The following SPAG9 variants were observed in gnomAD, a reference collection of about 807,000 sequenced individuals.
The protein encoded by SPAG9 is C-Jun-amino-terminal kinase-interacting protein 4.
Under a neutral mutation model 166.5 loss-of-function variants are expected in SPAG9, and 35 were observed. That is an observed-to-expected ratio of 0.21 (90% confidence interval 0.16 to 0.28). The LOEUF is 0.28. Ranked by LOEUF, SPAG9 falls within the 10% of genes least tolerant of loss-of-function variation. The pLI is 1.00. For missense variants in SPAG9, 1,235 were observed against 1,603.3 expected (o/e 0.77, Z 3.92); for synonymous variants, 534 against 565.5 (o/e 0.94, Z 0.79).
chr17:50,982,704 C>CATAT, intron 24 of SPAG9, 32 bp from the exon 25 acceptor site: 1 of 1,552,756 alleles, frequency 6.4e-7, no homozygotes, highest in Non-Finnish European at 8.7e-7. Context: ...ATAGTAAATA[C>CATAT]ATACCACCTG....
At chr17:51,017,772 T>C (rs1438594795) in intron 8 of SPAG9, among the ~76,000 whole-genome samples, 1 of 152,188 alleles carries the variant, frequency 6.6e-6, no homozygotes, top group East Asian at 1.9e-4. Flanking sequence ...TATCATATAT[T>C]GATTCATTTA....
At chr17:50,972,114 T>C (rs1973869718) in intron 28 of SPAG9, among the ~76,000 whole-genome samples, 1 of 152,214 alleles carries the variant, frequency 6.6e-6, no homozygotes, top group Non-Finnish European at 1.5e-5. Context: ...CAGGCTGGTC[T>C]CAAACTCCTG....
At chr17:51,030,494 A>G (rs1199244995) in intron 6 of SPAG9, among the ~76,000 whole-genome samples, 1 of 152,146 alleles carries the variant, frequency 6.6e-6, no homozygotes, top group African/African-American at 2.4e-5. Context: ...TTTCTCCCCA[A>G]GTAAAAGTAA....
intron 4 of SPAG9, among the ~76,000 whole-genome samples, chr17:51,043,513 T>C (rs1051305879): frequency 6.6e-6 from 1 of 152,194 alleles, no homozygotes; most frequent in Non-Finnish European, 1.5e-5. Flanking sequence ...CTTTCTTTCA[T>C]TAAATGATGG....
chr17:51,083,102 TTTAA>T (rs1490164645), intron 1 of SPAG9, among the ~76,000 whole-genome samples: 2 of 152,202 alleles, frequency 1.3e-5, no homozygotes, highest in African/African-American at 4.8e-5. Context: ...GGAGAAAAAC[TTTAA>T]TTAAAGATAC....
rs1359298423 is a variant in SPAG9 at position 51,007,259 on chromosome 17, A to G, written c.1271+10T>C. ...TCTTTATCTTCTGTTAAAATTTCAC[A>G]TATACTTACTTGGTTTCCAACAGTT... On this transcript the variant is annotated intron_variant, in intron 10 of 29. Coordinates refer to ENST00000262013, the MANE Select transcript of SPAG9 (RefSeq NM_001130528.3). The G allele has an allele frequency of 1.3e-6, 2 of 1,501,796 alleles. No individual in the cohort carries two copies. The highest frequency in any genetic ancestry group is 1.8e-6 in the Non-Finnish European group (2 of 1,088,674). The allele number at this position is 1,501,796 out of a possible 1,614,324, so 93.0% of individuals were successfully genotyped here. A position where few individuals can be genotyped will look rare whatever the true frequency, so the allele number is the denominator to read the frequency against.
In SPAG9 at chr17:50,963,121, TG is replaced by T. The variant is rs1365873602; in HGVS notation, c.*3150del. On this transcript the variant is annotated 3_prime_UTR_variant, in exon 30 of 30. Coordinates refer to ENST00000262013, the MANE Select transcript of SPAG9 (RefSeq NM_001130528.3). ...TTGCAGATCAGCAATGGTTGAACACTGGCAATTTCATATGGTTCAACCTTGC... is the reference window on the plus strand; with the variant it reads ...TTGCAGATCAGCAATGGTTGAACACTGCAATTTCATATGGTTCAACCTTGC... 6.6e-6 allele frequency: 1 copy of T among 152,228 alleles called. No individual in the cohort carries two copies. The highest frequency in any genetic ancestry group is 1.5e-5 in the Non-Finnish European group (1 of 68,036). 9.4% of individuals were successfully genotyped at this position (152,228 alleles called of 1,614,324 possible). A position where few individuals can be genotyped will look rare whatever the true frequency, so the allele number is the denominator to read the frequency against.
At chr17:51,075,555 T>C (rs2047946401) in intron 2 of SPAG9, among the ~76,000 whole-genome samples, 1 of 152,204 alleles carries the variant, frequency 6.6e-6, no homozygotes, top group East Asian at 1.9e-4. Context: ...TCGAGCGCAG[T>C]GGCTTACACC....
chr17:50,979,666 C>A, intron 26 of SPAG9, 80 bp downstream of exon 26: 2 of 1,379,118 alleles, frequency 1.5e-6, no homozygotes, highest in African/African-American at 2.8e-5. Flanking sequence ...CAAAGCAAGA[C>A]CTCATTTCAA....
chr17:50,999,298 A>G (rs1262296673), intron 14 of SPAG9, among the ~76,000 whole-genome samples: 1 of 152,148 alleles, frequency 6.6e-6, no homozygotes, highest in African/African-American at 2.4e-5. Context: ...TCACTTTGTA[A>G]AGTTTCTTAC....
At chr17:51,033,800 A>T (rs918468572) in intron 5 of SPAG9, among the ~76,000 whole-genome samples, 1 of 152,234 alleles carries the variant, frequency 6.6e-6, no homozygotes, top group African/African-American at 2.4e-5. Flanking sequence ...GAAAAAGGTA[A>T]TTTTTTCAGT....
At chr17:51,041,478 A>T in intron 5 of SPAG9, 23 bp downstream of exon 5, 1 of 1,604,366 alleles carries the variant, frequency 6.2e-7, no homozygotes, top group Non-Finnish European at 8.5e-7. Flanking sequence ...AAACTGACAC[A>T]ATTTCAGCAG....
chr17:51,116,026 T>C (rs1326853538), intron 1 of SPAG9, among the ~76,000 whole-genome samples: 1 of 152,084 alleles, frequency 6.6e-6, no homozygotes, highest in Non-Finnish European at 1.5e-5. Context: ...GTATGTCTAC[T>C]TTTCAGAAGT....
At chr17:51,064,073 A>AG (rs1186528013) in intron 2 of SPAG9, among the ~76,000 whole-genome samples, 1 of 152,198 alleles carries the variant, frequency 6.6e-6, no homozygotes, top group Non-Finnish European at 1.5e-5. Context: ...CCAGTAGAGG[A>AG]GTAAATGAGA....
intron 2 of SPAG9, among the ~76,000 whole-genome samples, chr17:51,060,849 T>G (rs1403347643): frequency 6.7e-6 from 1 of 149,042 alleles, no homozygotes; most frequent in Admixed American, 6.7e-5. Flanking sequence ...TTTTTTTTGT[T>G]TTTTTTTTTT....
Position 51,079,718 on chromosome 17 carries a change from A to G in SPAG9, c.304-14T>C. The G allele has an allele frequency of 2.0e-6, 3 of 1,484,114 alleles. No homozygotes were observed. The highest frequency in any genetic ancestry group is 2.4e-5 in the South Asian group (2 of 83,458). The allele number at this position is 1,484,114 out of a possible 1,614,324, so 91.9% of individuals were successfully genotyped here. On this transcript the variant is annotated splice_polypyrimidine_tract_variant and intron_variant, in intron 1 of 29. Transcript: ENST00000262013. ...TTCAATGAATTTCTAATAAAGAAGA[A>G]CAATATAAATTTAATCAGAGAAATT...
chr17:50,973,996 T>C (rs1306550072), intron 28 of SPAG9, among the ~76,000 whole-genome samples: 2 of 152,172 alleles, frequency 1.3e-5, no homozygotes, highest in Non-Finnish European at 2.9e-5. Flanking sequence ...CCCTGACTAA[T>C]ATACTACATC....
intron 4 of SPAG9, among the ~76,000 whole-genome samples, chr17:51,042,935 G>C (rs2046893502): frequency 6.6e-6 from 1 of 152,178 alleles, no homozygotes; most frequent in Admixed American, 6.5e-5. Flanking sequence ...GTGTTGCCCA[G>C]ACTGAAGTAC....
intron 1 of SPAG9, among the ~76,000 whole-genome samples, chr17:51,095,873 TGTGATATATATA>T (rs1225231417): frequency 2.1e-5 from 3 of 144,738 alleles, no homozygotes; most frequent in Non-Finnish European, 3.0e-5. Flanking sequence ...TATATAGTGA[TGTGATATATATA>T]GTGATATATA....
Sources: allele counts gnomAD v4.1 joint callset (sites outside exome capture counted in the v4.1 genomes callset), GRCh38; gene constraint gnomAD v4.1.1; transcripts MANE v1.5; gene names NCBI Gene and HGNC (gene_info 2026-07-23, HGNC 2026-07-21).